GTF2F2: variants seen among roughly 807,000 people sequenced by gnomAD.
GTF2F2 encodes ATP-dependent helicase GTF2F2.
A neutral mutation model predicts 42.2 loss-of-function variants in GTF2F2; 23 were observed. The ratio of observed to expected loss-of-function variants is 0.55; its 90% CI spans 0.39 to 0.77. GTF2F2 has a LOEUF of 0.77. GTF2F2 is among the 30% of genes least tolerant of loss of function. The pLI, the probability that GTF2F2 is intolerant of heterozygous loss-of-function variation, is 0.00. For missense variants in GTF2F2, 261 were observed against 287.2 expected, an observed-to-expected ratio of 0.91 and a Z score of 0.66; for synonymous variants, 105 against 100.8, an observed-to-expected ratio of 1.04 and a Z score of -0.25.
chr13:45,272,996 G>A (rs983098433), intron 7 of GTF2F2, among the ~76,000 whole-genome samples: 4 of 137,586 alleles, frequency 2.9e-5, no homozygotes, highest in Admixed American at 7.7e-5. Flanking sequence ...GCGCAATCTC[G>A]GCTCACTGCA....
rs201828514 is a variant in GTF2F2 at position 45,123,791 on chromosome 13, ATTTTTTT to A, written c.66+3083_66+3089del. On this transcript the variant is annotated intron_variant, in intron 1 of 7. Coordinates refer to ENST00000340473, the MANE Select transcript of GTF2F2 (RefSeq NM_004128.3). ...TGAAGTGCTATTTCTGGAATTTTGA[ATTTTTTT>A]TTTTTTTTTTTTGGCTGAGCACAGG... Among the ~76,000 whole-genome samples, 12 of 136,056 alleles carry A rather than the reference ATTTTTTT, an allele frequency of 8.8e-5. No individual in the cohort carries two copies. The East Asian group carries it at 1.3e-3, about 14-fold the overall frequency. The allele number at this position is 136,056 out of a possible 152,430, so 89.3% of individuals were successfully genotyped here.
At chr13:45,178,891 G>A (rs1037412985) in intron 4 of GTF2F2, among the ~76,000 whole-genome samples, 1 of 152,164 alleles carries the variant, frequency 6.6e-6, no homozygotes, top group Non-Finnish European at 1.5e-5. Flanking sequence ...TGGGGGGTTG[G>A]CTAGGGTGCA....
intron 5 of GTF2F2, among the ~76,000 whole-genome samples, chr13:45,209,775 C>T (rs1339853329): frequency 2.6e-5 from 4 of 152,134 alleles, no homozygotes; most frequent in Non-Finnish European, 4.4e-5. Context: ...AGATCTTTCC[C>T]GCAAAACCCG....
chr13:45,250,592 A>G (rs1194507131), intron 5 of GTF2F2, among the ~76,000 whole-genome samples: 2 of 152,148 alleles, frequency 1.3e-5, no homozygotes, highest in Non-Finnish European at 2.9e-5. Flanking sequence ...CCCAGTAAAC[A>G]CTTGCTGGAT....
intron 4 of GTF2F2, among the ~76,000 whole-genome samples, chr13:45,203,622 C>T (rs1313857643): frequency 6.6e-6 from 1 of 152,244 alleles, no homozygotes; most frequent in East Asian, 1.9e-4. Flanking sequence ...CTCATACTTG[C>T]AATTTAATGG....
At chr13:45,269,678 G>A (rs537462050) in intron 7 of GTF2F2, among the ~76,000 whole-genome samples, 1 of 152,288 alleles carries the variant, frequency 6.6e-6, no homozygotes, top group East Asian at 1.9e-4. Context: ...TGAGATCCTA[G>A]TTCAAGTCCC....
At chr13:45,138,868 A>G (rs1407062418) in intron 2 of GTF2F2, among the ~76,000 whole-genome samples, 2 of 151,696 alleles carry the variant, frequency 1.3e-5, no homozygotes, top group South Asian at 2.1e-4. Flanking sequence ...CTGGTCTTGA[A>G]CTCCTGACCT....
intron 5 of GTF2F2, among the ~76,000 whole-genome samples, chr13:45,213,040 C>T (rs1188255758): frequency 1.3e-5 from 2 of 151,632 alleles, no homozygotes; most frequent in Non-Finnish European, 2.9e-5. Flanking sequence ...CCATGCCCGG[C>T]TAATTTTATT....
intron 5 of GTF2F2, among the ~76,000 whole-genome samples, chr13:45,212,265 TATC>T (rs2138194641): frequency 6.6e-6 from 1 of 152,302 alleles, no homozygotes; most frequent in South Asian, 2.1e-4. Flanking sequence ...GTTTTTTTAT[TATC>T]TGGCTCTTGT....
chr13:45,218,221 A>G (rs1873967564), intron 5 of GTF2F2, among the ~76,000 whole-genome samples: 1 of 152,160 alleles, frequency 6.6e-6, no homozygotes, highest in Non-Finnish European at 1.5e-5. Flanking sequence ...TTTGTTAGAG[A>G]TCTGTTCTGA....
chr13:45,168,776 C>A (rs1235592111), intron 4 of GTF2F2, among the ~76,000 whole-genome samples: 3 of 148,050 alleles, frequency 2.0e-5, no homozygotes, highest in African/African-American at 7.6e-5. Flanking sequence ...CCACACCTGG[C>A]TGGCTTCCTT....
intron 1 of GTF2F2, among the ~76,000 whole-genome samples, chr13:45,128,628 G>T (rs1869173333): frequency 1.3e-5 from 2 of 151,890 alleles, no homozygotes; most frequent in African/African-American, 2.4e-5. Flanking sequence ...GTCTCGCTCT[G>T]TCACCCAGGC....
In GTF2F2 at chr13:45,243,379, T is replaced by C. The variant is rs542395693; in HGVS notation, c.387-9492T>C. Among the ~76,000 whole-genome samples, 6 of 152,328 alleles carry C rather than the reference T, an allele frequency of 3.9e-5. No individual in the cohort carries two copies. The South Asian group carries it at 1.2e-3, about 32-fold the overall frequency. On this transcript the variant is annotated intron_variant, in intron 5 of 7. Transcript: ENST00000340473. ...ATTCTCAAAGGAGCATGAGCCCTATTGTAAACTGCAACTCCGAGAGATCTA... is the reference window on the plus strand; with the variant it reads ...ATTCTCAAAGGAGCATGAGCCCTATCGTAAACTGCAACTCCGAGAGATCTA...
At chr13:45,187,602 T>C (rs1320797670) in intron 4 of GTF2F2, among the ~76,000 whole-genome samples, 1 of 152,224 alleles carries the variant, frequency 6.6e-6, no homozygotes, top group Non-Finnish European at 1.5e-5. Context: ...TTACCGCCAC[T>C]CCCTTGGTGT....
intron 5 of GTF2F2, among the ~76,000 whole-genome samples, chr13:45,212,436 C>CTTG: frequency 8.2e-6 from 1 of 122,484 alleles, no homozygotes; most frequent in East Asian, 2.6e-4. Context: ...TTCTTTCTTT[C>CTTG]TTTCTTTCTT....
intron 5 of GTF2F2, among the ~76,000 whole-genome samples, chr13:45,219,941 G>C (rs1349087435): frequency 6.6e-6 from 1 of 152,208 alleles, no homozygotes; most frequent in Non-Finnish European, 1.5e-5. Flanking sequence ...AAACGGGAAA[G>C]GATGACATAT....
intron 7 of GTF2F2, among the ~76,000 whole-genome samples, chr13:45,269,730 A>T (rs1393699959): frequency 6.6e-6 from 1 of 152,240 alleles, no homozygotes; most frequent in Admixed American, 6.5e-5. Flanking sequence ...AAGGTACTTA[A>T]ATACATTTAA....
intron 4 of GTF2F2, among the ~76,000 whole-genome samples, chr13:45,169,075 G>A (rs1871466099): frequency 6.6e-6 from 1 of 151,090 alleles, no homozygotes; most frequent in South Asian, 2.1e-4. Context: ...GGTTGGTTTC[G>A]AACTCCTGAC....
intron 5 of GTF2F2, among the ~76,000 whole-genome samples, chr13:45,212,550 CTCTT>C (rs757379595): frequency 2.0e-5 from 3 of 146,576 alleles, no homozygotes; most frequent in African/African-American, 5.0e-5. Flanking sequence ...TTCTCTCTCT[CTCTT>C]TCTCTCTTTC....
Sources: allele counts gnomAD v4.1 joint callset (sites outside exome capture counted in the v4.1 genomes callset), GRCh38; gene constraint gnomAD v4.1.1; transcripts MANE v1.5; gene names NCBI Gene and HGNC (gene_info 2026-07-23, HGNC 2026-07-21).